Variants in PIK3C2A observed in about 807,000 individuals in gnomAD.
PIK3C2A encodes the protein phosphatidylinositol 4-phosphate 3-kinase C2 domain-containing subunit alpha.
In PIK3C2A, 97 loss-of-function variants were observed where a neutral mutation model predicts 204.5. That is an observed-to-expected ratio of 0.47 (90% CI 0.40 to 0.56). The LOEUF is 0.56. PIK3C2A is among the 20% of genes least tolerant of loss of function. The pLI is 0.00. For missense variants in PIK3C2A, 1,735 were observed against 1,969.2 expected (o/e 0.88, Z 2.25); for synonymous variants, 653 against 664.4 (o/e 0.98, Z 0.26).
At chr11:17,128,035 A>T (rs1181876704) in intron 13 of PIK3C2A, among the ~76,000 whole-genome samples, 1 of 151,996 alleles carries the variant, frequency 6.6e-6, no homozygotes, top group Non-Finnish European at 1.5e-5. Flanking sequence ...GATTCCCCCC[A>T]CTCCGTAAAA....
intron 1 of PIK3C2A, among the ~76,000 whole-genome samples, chr11:17,178,295 C>G (rs1851408966): frequency 6.6e-6 from 1 of 151,948 alleles, no homozygotes. Flanking sequence ...ATTAGCACAT[C>G]TCAATTTGGA....
At chr11:17,165,603 G>T (rs534204452) in intron 2 of PIK3C2A, among the ~76,000 whole-genome samples, 1 of 151,584 alleles carries the variant, frequency 6.6e-6, no homozygotes, top group African/African-American at 2.4e-5. Context: ...TGGAGAAACC[G>T]CGTCTCTACT....
rs1174586830 is a variant in PIK3C2A, at chr11:17,091,603, A to T, written c.4696T>A (p.Ser1566Thr). ...AGAGTACCATTTCGGTAAGAGATGG[A>T]TAATTTCACAGCTCCTCCTATTTGG... Reference protein sequence around the residue: ...PGQIGGAVKLSISYRNGTLFI... With the variant: ...PGQIGGAVKLTISYRNGTLFI... The change falls in exon 31 of 33, where the codon TCC becomes ACC. Residue 1566 changes from serine (S) to threonine (T), a missense_variant. Ser to Thr is a moderately conservative substitution (Grantham distance 58). This residue lies in a region of PIK3C2A where 503 missense variants were observed against 669.0 expected (regional missense o/e 0.75). Transcript: ENST00000691414. 4.3e-6 allele frequency: 7 copies of T among 1,613,306 alleles called. No homozygotes were observed. Among genetic ancestry groups the T allele is most frequent in the Non-Finnish European group, 5.9e-6 (7 of 1,179,384 alleles).
At chr11:17,149,782 T>G (rs1590965048) in intron 4 of PIK3C2A, among the ~76,000 whole-genome samples, 2 of 152,098 alleles carry the variant, frequency 1.3e-5, no homozygotes, top group East Asian at 3.9e-4. Context: ...ATTGTTACAG[T>G]AGCTAATGGT....
At chr11:17,094,232 AG>A in intron 28 of PIK3C2A, 28 bp downstream of exon 28, 2 of 1,543,446 alleles carry the variant, frequency 1.3e-6, no homozygotes, top group Non-Finnish European at 8.9e-7. Flanking sequence ...TCCTACAAAA[AG>A]GATTAATGTA....
chr11:17,113,274 C>T (rs1397181600), intron 20 of PIK3C2A, among the ~76,000 whole-genome samples: 1 of 152,096 alleles, frequency 6.6e-6, no homozygotes, highest in African/African-American at 2.4e-5. Context: ...AATATCATCT[C>T]GCTAGGCAGA....
chr11:17,114,353 T>C lies in PIK3C2A; in HGVS notation c.3321+8A>G, dbSNP rs1274682881. ...GTAATATGAACTTATAAGTATTTTA[T>C]GTGTCACCTTAATATTTAATTCTTT... On this transcript the variant is annotated splice_region_variant and intron_variant, in intron 20 of 32. Coordinates refer to ENST00000691414, the MANE Select transcript of PIK3C2A (RefSeq NM_002645.4). 1 of 1,274,914 alleles carries C rather than the reference T, an allele frequency of 7.8e-7. No homozygotes were observed. Among genetic ancestry groups the C allele is most frequent in the Non-Finnish European group, 1.1e-6 (1 of 871,432 alleles). The allele number at this position is 1,274,914 out of a possible 1,614,324, so 79.0% of individuals were successfully genotyped here.
intron 11 of PIK3C2A, 92 bp from the exon 12 acceptor site, chr11:17,132,130 C>T (rs1849715881): frequency 1.4e-6 from 1 of 732,722 alleles, no homozygotes; most frequent in Non-Finnish European, 2.2e-6. Context: ...TCCAAAGAGA[C>T]TAATATCTGA....
chr11:17,160,188 T>C (rs1850728664), intron 2 of PIK3C2A, among the ~76,000 whole-genome samples: 2 of 152,326 alleles, frequency 1.3e-5, no homozygotes, highest in Non-Finnish European at 2.9e-5. Context: ...TCTAGATCAG[T>C]AGCTTTCAAT....
chr11:17,133,750 A>G (rs1003882287), intron 11 of PIK3C2A, among the ~76,000 whole-genome samples: 1 of 152,086 alleles, frequency 6.6e-6, no homozygotes, highest in African/African-American at 2.4e-5. Flanking sequence ...CAACAAGGTG[A>G]AATCTCGTCT....
chr11:17,160,858 A>G (rs2137463030), intron 2 of PIK3C2A, among the ~76,000 whole-genome samples: 2 of 152,216 alleles, frequency 1.3e-5, no homozygotes, highest in South Asian at 4.2e-4. Context: ...AAACAAACAA[A>G]CAGTAATAAC....
intron 1 of PIK3C2A, among the ~76,000 whole-genome samples, chr11:17,193,214 A>C (rs1852001032): frequency 6.6e-6 from 1 of 152,222 alleles, no homozygotes; most frequent in Admixed American, 6.5e-5. Context: ...TTTTCTTTAT[A>C]AAGTATCAAT....
chr11:17,207,521 G>A (rs1400281845), intron 1 of PIK3C2A, among the ~76,000 whole-genome samples: 1 of 151,454 alleles, frequency 6.6e-6, no homozygotes, highest in Non-Finnish European at 1.5e-5. Context: ...GGGGGCCGGC[G>A]GCCGGGGGGC....
rs1322540812 is a variant in PIK3C2A, at chr11:17,136,571, C to T, written c.1759G>A (p.Ala587Thr). ...VIKAVRKICS[A>T]LDGVETLAIT... is the part of the protein sequence containing the mutation. ...GCAAGAGTCTCGACACCATCTAAAG[C>T]ACTACAGATTTTTCTTACAGCTTTA... Residue 587 changes from alanine to threonine, a missense_variant, in exon 9 of 33, where the codon GCT becomes ACT. Physicochemically the swap from Ala to Thr is moderately conservative, Grantham distance 58. Transcript: ENST00000691414. The T allele has an allele frequency of 6.3e-7, 1 of 1,596,960 alleles. No individual in the cohort carries two copies. The highest frequency in any genetic ancestry group is 1.1e-5 in the South Asian group (1 of 90,346).
chr11:17,112,868 C>T (rs1213199685), intron 20 of PIK3C2A, among the ~76,000 whole-genome samples: 1 of 151,198 alleles, frequency 6.6e-6, no homozygotes, highest in Non-Finnish European at 1.5e-5. Context: ...TTCCCACAAC[C>T]TCTAACTCCT....
chr11:17,146,261 G>A (rs1353886820), intron 6 of PIK3C2A, among the ~76,000 whole-genome samples: 4 of 152,086 alleles, frequency 2.6e-5, no homozygotes, highest in African/African-American at 4.8e-5. Flanking sequence ...CACTAAAGAT[G>A]GCTGATAGCC....
intron 11 of PIK3C2A, 95 bp downstream of exon 11, chr11:17,134,724 C>A: frequency 1.1e-6 from 1 of 913,644 alleles, no homozygotes; most frequent in Non-Finnish European, 1.8e-6. Flanking sequence ...TGGTCTCCAA[C>A]TCCTGGGGTC....
At chr11:17,207,205 A>G (rs949761874) in intron 1 of PIK3C2A, among the ~76,000 whole-genome samples, 1 of 152,176 alleles carries the variant, frequency 6.6e-6, no homozygotes, top group Admixed American at 6.6e-5. Flanking sequence ...GTCACTCAGG[A>G]AGAGTTAAGC....
chr11:17,149,085 G>C (rs964921244), intron 4 of PIK3C2A, among the ~76,000 whole-genome samples: 1 of 151,966 alleles, frequency 6.6e-6, no homozygotes, highest in Non-Finnish European at 1.5e-5. Flanking sequence ...GAAAAAAACT[G>C]CATCTGTACT....
Sources: gnomAD v4.1 joint callset for allele counts (sites outside exome capture counted in the v4.1 genomes callset) on GRCh38, gnomAD v4.1.1 for gene constraint, gnomAD v4.1.1 regional missense constraint, MANE v1.5 for transcripts, NCBI Gene and HGNC (gene_info 2026-07-23, HGNC 2026-07-21) for gene names.